GYPB: variants seen among roughly 807,000 people sequenced by gnomAD.
GYPB encodes the protein glycophorin B (MNS blood group), also known as glycophorin-B.
In GYPB, 13 loss-of-function variants were observed where a neutral mutation model predicts 15.3. The ratio of observed to expected loss-of-function variants is 0.85; its 90% confidence interval spans 0.55 to 1.35. The LOEUF is 1.35. GYPB is among the 40% of genes most tolerant of loss of function. GYPB has a pLI of 0.00. For missense variants in GYPB, 131 were observed against 108.3 expected (o/e 1.21, Z -0.93); for synonymous variants, 38 against 36.9 (o/e 1.03, Z -0.11).
At chr4:144,002,690 G>T in intron 1 of GYPB, 1 of 1,286,472 alleles carries the variant, frequency 7.8e-7, no homozygotes, top group South Asian at 1.2e-5. Flanking sequence ...AATGCTCAAA[G>T]TTTCCTGGAG....
chr4:144,016,219 C>T (rs578041836), intron 1 of GYPB, among the ~76,000 whole-genome samples: 20 of 148,054 alleles, frequency 1.4e-4, no homozygotes, highest in South Asian at 8.5e-4. Flanking sequence ...ACTGATGTAC[C>T]TGCAGGGGTA....
intron 2 of GYPB, chr4:144,000,379 A>G (rs1727559741): frequency 2.2e-6 from 2 of 904,398 alleles, no homozygotes; most frequent in East Asian, 7.1e-5. Flanking sequence ...AACTAAGAAC[A>G]TAACGTTTTT....
chr4:144,009,994 C>A (rs1728136430), intron 1 of GYPB, among the ~76,000 whole-genome samples: 1 of 151,244 alleles, frequency 6.6e-6, no homozygotes, highest in East Asian at 1.9e-4. Flanking sequence ...GCCAGCCGTT[C>A]ACAGGCTATA....
In GYPB at chr4:144,017,719, G is replaced by A. The variant is rs1728580458; in HGVS notation, c.37+1532C>T. On this transcript the variant is annotated intron_variant, in intron 1 of 4. Transcript: ENST00000502664. ...GCTGGGCACACCCCCAGTAGAGTAC[G>A]CAGTGTCTAATTTTGTTTGAGCTAC... is the stretch of plus-strand genomic sequence containing the variant. Among the ~76,000 whole-genome samples, 4 of 151,334 alleles carry A rather than the reference G, an allele frequency of 2.6e-5. No individual in the cohort carries two copies. In the South Asian group the frequency reaches 6.2e-4, roughly 24 times the overall value.
At chr4:144,006,289 A>G (rs558443452) in intron 1 of GYPB, among the ~76,000 whole-genome samples, 96 of 152,020 alleles carry the variant, frequency 6.3e-4, no homozygotes, top group Non-Finnish European at 1.2e-3. Flanking sequence ...ATAACATCGG[A>G]TATGTTCCAG....
At chr4:144,010,717 C>A (rs149641115) in intron 1 of GYPB, among the ~76,000 whole-genome samples, 6 of 151,288 alleles carry the variant, frequency 4.0e-5, no homozygotes, top group Admixed American at 3.3e-4. Flanking sequence ...CTGAAATGCA[C>A]TCACGGCCCG....
intron 1 of GYPB, among the ~76,000 whole-genome samples, chr4:144,006,068 G>A (rs1353592866): frequency 2.0e-5 from 3 of 151,754 alleles, no homozygotes; most frequent in Non-Finnish European, 4.4e-5. Flanking sequence ...TGTCATATTA[G>A]TGAGGCCTCA....
chr4:144,005,492 A>G (rs1188408035), intron 1 of GYPB, among the ~76,000 whole-genome samples: 2 of 151,906 alleles, frequency 1.3e-5, no homozygotes, highest in Admixed American at 1.3e-4. Context: ...TTTTTTCCAC[A>G]CTAATTTATT....
intron 1 of GYPB, among the ~76,000 whole-genome samples, chr4:144,008,969 C>T (rs754864654): frequency 5.3e-5 from 8 of 151,316 alleles, no homozygotes; most frequent in Admixed American, 3.3e-4. Flanking sequence ...ATGGTTCTAG[C>T]GTCACCTTTA....
intron 1 of GYPB, among the ~76,000 whole-genome samples, chr4:144,004,174 T>A (rs1276321956): frequency 6.6e-6 from 1 of 151,864 alleles, no homozygotes; most frequent in Non-Finnish European, 1.5e-5. Context: ...TACAACTTCT[T>A]ATAGTCACCT....
At chr4:144,018,546 A>G (rs1055053477) in intron 1 of GYPB, among the ~76,000 whole-genome samples, 3 of 151,308 alleles carry the variant, frequency 2.0e-5, no homozygotes, top group African/African-American at 7.4e-5. Flanking sequence ...GTTTAACTAT[A>G]ATATTCTCAG....
intron 1 of GYPB, among the ~76,000 whole-genome samples, chr4:144,006,959 A>T (rs1363040078): frequency 6.6e-6 from 1 of 150,820 alleles, no homozygotes; most frequent in Non-Finnish European, 1.5e-5. Context: ...GTGCTAAAAG[A>T]TGTTTGAAGA....
At chr4:144,017,931 T>G (rs1219994423) in intron 1 of GYPB, among the ~76,000 whole-genome samples, 1 of 151,440 alleles carries the variant, frequency 6.6e-6, no homozygotes, top group Non-Finnish European at 1.5e-5. Context: ...TTTTCTGTTT[T>G]CTTTCTGTAA....
At chr4:144,017,547 C>T (rs1269749373) in intron 1 of GYPB, among the ~76,000 whole-genome samples, 2 of 150,792 alleles carry the variant, frequency 1.3e-5, no homozygotes, top group Non-Finnish European at 2.9e-5. Context: ...TCATCTTGCC[C>T]CAGTGACCTC....
At position 143,997,590 on chromosome 4, in the gene GYPB, T is replaced by C. The variant is rs773114941; in HGVS notation, c.220A>G (p.Ile74Val). ...ILIILCVMAG[I>V]IGTILLISYS... ...GAAATTAAGAGGATCGTTCCAATAATACCAGCCATCACACACAAAATAATG... is the reference window on the plus strand; with the variant it reads ...GAAATTAAGAGGATCGTTCCAATAACACCAGCCATCACACACAAAATAATG... The change falls in exon 4 of 5, where the codon ATT becomes GTT. Residue 74 changes from isoleucine to valine, a missense_variant. Transcript: ENST00000502664. 16 of 1,599,256 alleles carry C rather than the reference T, an allele frequency of 1.0e-5. No individual in the cohort carries two copies. The highest frequency in any genetic ancestry group is 1.3e-5 in the Non-Finnish European group (15 of 1,169,038).
Position 143,996,129 on chromosome 4 carries a change from T to C in GYPB, c.*170A>G, listed in dbSNP as rs1471366508. On this transcript the variant is annotated 3_prime_UTR_variant, in exon 5 of 5. Transcript: ENST00000502664. ...AACGGTTTGTATTTTGTTTTATTTT[T>C]ATTTAGAAGTAGAGAATACAGTAAT... is the stretch of plus-strand genomic sequence containing the variant. 5 of 1,435,610 alleles carry C rather than the reference T, an allele frequency of 3.5e-6. No individual in the cohort carries two copies. The highest frequency in any genetic ancestry group is 5.5e-5 in the Admixed American group (2 of 36,470). The allele number at this position is 1,435,610 out of a possible 1,614,324, so 88.9% of individuals were successfully genotyped here. A position where few individuals can be genotyped will look rare whatever the true frequency, so the allele number is the denominator to read the frequency against.
At chr4:144,010,501 A>T (rs1421621915) in intron 1 of GYPB, among the ~76,000 whole-genome samples, 1 of 151,408 alleles carries the variant, frequency 6.6e-6, no homozygotes, top group Non-Finnish European at 1.5e-5. Flanking sequence ...AATGGAGAGA[A>T]TATATCAAAG....
chr4:144,013,432 G>T (rs111419701), intron 1 of GYPB, among the ~76,000 whole-genome samples: 11,565 of 151,134 alleles, frequency 0.077, 1,584 homozygotes, highest in African/African-American at 0.23. Context: ...TATACCCAAA[G>T]GACCATAAAT....
At chr4:144,008,840 T>TC (rs1426677803) in intron 1 of GYPB, among the ~76,000 whole-genome samples, 3 of 151,528 alleles carry the variant, frequency 2.0e-5, no homozygotes, top group Non-Finnish European at 4.4e-5. Context: ...ATCTGTGATA[T>TC]CCAGGCATTG....
Sources: gnomAD v4.1 joint callset for allele counts (sites outside exome capture counted in the v4.1 genomes callset) on GRCh38, gnomAD v4.1.1 for gene constraint, MANE v1.5 for transcripts, NCBI Gene and HGNC (gene_info 2026-07-23, HGNC 2026-07-21) for gene names.